Variants in P4HA1 observed in about 807,000 individuals in gnomAD.
P4HA1 encodes the protein prolyl 4-hydroxylase subunit alpha 1.
P4HA1 carries 24 observed loss-of-function variants against 72.8 expected under a neutral mutation model. That is an observed-to-expected ratio of 0.33 (90% CI 0.24 to 0.46). The LOEUF is 0.46. Among genes scored for constraint, P4HA1 ranks in the 20% least tolerant of loss-of-function variants. The pLI, the probability that P4HA1 is intolerant of heterozygous loss-of-function variation, is 1.00. For missense variants in P4HA1, 446 were observed against 640.6 expected, an observed-to-expected ratio of 0.70 and a Z score of 3.28; for synonymous variants, 201 against 218.8, an observed-to-expected ratio of 0.92 and a Z score of 0.72.
chr10:73,033,940 G>A lies in P4HA1; in HGVS notation c.1149-3570C>T, dbSNP rs1840501186. ...TAACATCAGGAAAGTTAAACAGGAT[G>A]GGCACAGTGTCTCAAATCTGTAATC... On this transcript the variant is annotated intron_variant, in intron 9 of 14. Coordinates refer to ENST00000394890, the MANE Select transcript of P4HA1 (RefSeq NM_001017962.3). Among the ~76,000 whole-genome samples, 4 of 152,156 alleles carry A rather than the reference G, an allele frequency of 2.6e-5. No individual in the cohort carries two copies. The South Asian group carries it at 8.3e-4, about 31-fold the overall frequency.
intron 1 of P4HA1, among the ~76,000 whole-genome samples, chr10:73,089,695 G>A (rs1213845236): frequency 6.8e-6 from 1 of 146,350 alleles, no homozygotes; most frequent in Non-Finnish European, 1.5e-5. Flanking sequence ...CTGAGTGTAA[G>A]GAGATTCCCC....
intron 1 of P4HA1, among the ~76,000 whole-genome samples, chr10:73,093,899 TATATATATAC>T (rs1417172027): frequency 2.6e-3 from 195 of 76,128 alleles, no homozygotes; most frequent in African/African-American, 6.6e-3. Context: ...TATATATATA[TATATATATAC>T]ACACACACAC....
chr10:73,085,563 A>G (rs1356224551), intron 1 of P4HA1, among the ~76,000 whole-genome samples: 1 of 152,098 alleles, frequency 6.6e-6, no homozygotes. Context: ...TTGTATTTTT[A>G]GCAGAGACGG....
intron 8 of P4HA1, 107 bp downstream of exon 8, chr10:73,046,818 A>G: frequency 1.2e-6 from 1 of 843,020 alleles, no homozygotes; most frequent in Non-Finnish European, 1.9e-6. Context: ...AAATATCTTT[A>G]AAAAATCTGT....
intron 10 of P4HA1, among the ~76,000 whole-genome samples, chr10:73,018,723 C>A (rs944555963): frequency 6.6e-6 from 1 of 152,036 alleles, no homozygotes; most frequent in Non-Finnish European, 1.5e-5. Context: ...AACCCTGCAT[C>A]CCAGACTCAA....
Position 73,011,040 on chromosome 10 carries a change from A to C in P4HA1, c.1369-3T>G. ...CCTCCTGCAGACACATCACTCATCTATAAGAAACAAGAGGGTGTTATCAAA... is the reference window on the plus strand; with the variant it reads ...CCTCCTGCAGACACATCACTCATCTCTAAGAAACAAGAGGGTGTTATCAAA... On this transcript the variant is annotated splice_polypyrimidine_tract_variant and splice_region_variant and intron_variant, in intron 12 of 14. Transcript: ENST00000394890. The C allele has an allele frequency of 1.2e-6, 2 of 1,611,762 alleles. No homozygotes were observed. The highest frequency in any genetic ancestry group is 1.7e-6 in the Non-Finnish European group (2 of 1,178,266).
At position 73,073,811 on chromosome 10, in the gene P4HA1, C is replaced by A; in HGVS notation, c.93G>T (p.Leu31Phe). Residue 31 changes from leucine (L) to phenylalanine (F), a missense_variant, in exon 3 of 15, where the codon TTG becomes TTT. Leu to Phe is a conservative substitution (Grantham distance 22). Coordinates refer to ENST00000394890, the MANE Select transcript of P4HA1 (RefSeq NM_001017962.3). ...TCACCAGATCTTTCTCAGTATGGAT[C>A]AAATCAGTCATCTGACCTAGAAGGG... ...FFTSIGQMTDLIHTEKDLVTS... is the reference protein window; with the variant it reads ...FFTSIGQMTDFIHTEKDLVTS... 6.4e-7 allele frequency: 1 copy of A among 1,554,294 alleles called. No homozygotes were observed. The highest frequency in any genetic ancestry group is 1.1e-5 in the South Asian group (1 of 89,812).
chr10:73,089,143 T>C (rs1841977259), intron 1 of P4HA1, among the ~76,000 whole-genome samples: 1 of 152,234 alleles, frequency 6.6e-6, no homozygotes, highest in African/African-American at 2.4e-5. Context: ...TTTCATAATT[T>C]TCAACATACA....
intron 1 of P4HA1, among the ~76,000 whole-genome samples, chr10:73,094,720 A>G (rs781525886): frequency 2.0e-5 from 3 of 152,216 alleles, no homozygotes; most frequent in Admixed American, 6.5e-5. Context: ...TCAGTATACA[A>G]CTTATTCTGC....
At chr10:73,013,481 C>T (rs1385984840) in intron 12 of P4HA1, among the ~76,000 whole-genome samples, 1 of 152,192 alleles carries the variant, frequency 6.6e-6, no homozygotes, top group African/African-American at 2.4e-5. Flanking sequence ...ACCCCAGTGC[C>T]AGGCATTTGA....
chr10:73,019,790 C>T (rs1354739080), intron 10 of P4HA1, among the ~76,000 whole-genome samples: 4 of 140,320 alleles, frequency 2.9e-5, no homozygotes, highest in African/African-American at 1.1e-4. Context: ...AAAGCTGCAC[C>T]AGCACACTTG....
rs545541694 is a variant in P4HA1, at chr10:73,074,916, C to T, written c.-32-1G>A. On this transcript the variant is annotated splice_acceptor_variant, in intron 1 of 14. Coordinates refer to ENST00000394890, the MANE Select transcript of P4HA1 (RefSeq NM_001017962.3). LOFTEE classifies it low-confidence loss of function (5UTR_SPLICE). ...GATTTAATTTTACAGGATCACACAC[C>T]TACAAAAGAAAGAGAGAAATGCAGC... 6 of 931,850 alleles carry T rather than the reference C, an allele frequency of 6.4e-6. No individual in the cohort carries two copies. The African/African-American group carries it at 6.7e-5, about 10-fold the overall frequency. 57.7% of individuals were successfully genotyped at this position (931,850 alleles called of 1,614,324 possible). A position where few individuals can be genotyped will look rare whatever the true frequency, so the allele number is the denominator to read the frequency against.
chr10:73,027,509 G>T (rs1426103858), intron 10 of P4HA1, among the ~76,000 whole-genome samples: 1 of 150,376 alleles, frequency 6.6e-6, no homozygotes, highest in Non-Finnish European at 1.5e-5. Flanking sequence ...ATGATGAGTT[G>T]ATGGGTGCAG....
chr10:73,053,681 T>C, intron 5 of P4HA1, 91 bp from the exon 6 acceptor site: 1 of 1,153,360 alleles, frequency 8.7e-7, no homozygotes, highest in Non-Finnish European at 1.2e-6. Context: ...CTGTCTCACT[T>C]CTATTTGAAG....
At chr10:73,014,440 T>A (rs1839972785) in intron 11 of P4HA1, 151 bp from the exon 12 acceptor site, 1 of 612,218 alleles carries the variant, frequency 1.6e-6, no homozygotes, top group African/African-American at 1.9e-5. Context: ...ACTATAAACA[T>A]CAGGCAATCT....
intron 10 of P4HA1, among the ~76,000 whole-genome samples, chr10:73,025,012 G>C (rs957812123): frequency 6.6e-6 from 1 of 152,156 alleles, no homozygotes; most frequent in African/African-American, 2.4e-5. Context: ...ACTAAAAAAA[G>C]TTCAGGACCA....
chr10:73,083,338 C>T (rs945861345), intron 1 of P4HA1, among the ~76,000 whole-genome samples: 6 of 152,182 alleles, frequency 3.9e-5, no homozygotes, highest in African/African-American at 4.8e-5. Context: ...TCAGAAATCA[C>T]GCTAGCTTCT....
intron 5 of P4HA1, among the ~76,000 whole-genome samples, chr10:73,062,430 A>G (rs1841333216): frequency 6.6e-6 from 1 of 152,156 alleles, no homozygotes; most frequent in Admixed American, 6.5e-5. Context: ...AGAAAATATG[A>G]CTTCTCCAAC....
chr10:73,078,499 G>A (rs79638542), intron 1 of P4HA1, among the ~76,000 whole-genome samples: 16,298 of 149,546 alleles, frequency 0.11, 1,259 homozygotes, highest in East Asian at 0.3. Flanking sequence ...TGGTCAAAAC[G>A]AAGAAAAATT....
Sources: allele counts gnomAD v4.1 joint callset (sites outside exome capture counted in the v4.1 genomes callset), GRCh38; gene constraint gnomAD v4.1.1; transcripts MANE v1.5; gene names NCBI Gene and HGNC (gene_info 2026-07-23, HGNC 2026-07-21).